EGFLAM: variants seen among roughly 807,000 people sequenced by gnomAD.
The protein encoded by EGFLAM is pikachurin.
A neutral mutation model predicts 113.1 loss-of-function variants in EGFLAM; 79 were observed. That is an observed-to-expected ratio of 0.70 (90% CI 0.58 to 0.84). The LOEUF is 0.84. Among genes scored for constraint, EGFLAM ranks in the 40% least tolerant of loss-of-function variants. EGFLAM has a pLI of 0.00. For missense variants in EGFLAM, 1,265 were observed against 1,291.6 expected (o/e 0.98, Z 0.32); for synonymous variants, 504 against 487.6 (o/e 1.03, Z -0.44).
At chr5:38,361,909 T>TG (rs11457070) in intron 5 of EGFLAM, among the ~76,000 whole-genome samples, 80,191 of 145,214 alleles carry the variant, frequency 0.55, 22,596 homozygotes, top group East Asian at 0.68. Context: ...GGATTTTTGA[T>TG]TTTTTTTTTT....
At chr5:38,386,775 G>T (rs1561061315) in intron 6 of EGFLAM, among the ~76,000 whole-genome samples, 2 of 152,348 alleles carry the variant, frequency 1.3e-5, no homozygotes, top group Non-Finnish European at 2.9e-5. Context: ...AAAGGTCTGG[G>T]ATTACAGGAG....
chr5:38,325,247 C>T (rs1322318269), intron 1 of EGFLAM, among the ~76,000 whole-genome samples: 1 of 152,144 alleles, frequency 6.6e-6, no homozygotes, highest in Non-Finnish European at 1.5e-5. Flanking sequence ...TTGACAAGAT[C>T]CTCATTCAAC....
At chr5:38,384,198 C>A (rs1046417515) in intron 6 of EGFLAM, among the ~76,000 whole-genome samples, 2 of 151,948 alleles carry the variant, frequency 1.3e-5, no homozygotes, top group Admixed American at 6.6e-5. Context: ...AGGTAGAGTG[C>A]CAAATGGAAA....
chr5:38,271,048 G>T (rs146239581), intron 1 of EGFLAM, among the ~76,000 whole-genome samples: 1,874 of 152,092 alleles, frequency 0.012, 18 homozygotes, highest in Non-Finnish European at 0.018. Context: ...GAGGACTTTT[G>T]GTGTTTATAT....
chr5:38,367,431 T>C lies in EGFLAM; in HGVS notation c.546-2865T>C, dbSNP rs531012588. Among the ~76,000 whole-genome samples, 103 of 151,644 alleles carry C rather than the reference T, an allele frequency of 6.8e-4. No homozygotes were observed. The Middle Eastern group carries it at 0.017, about 25-fold the overall frequency. ...TGGCTAATTTTTTTTTTATTAAACA[T>C]AGTGAGACGAGGTCTCACTATGTTG... is the stretch of plus-strand genomic sequence containing the variant. On this transcript the variant is annotated intron_variant, in intron 5 of 21. Coordinates refer to ENST00000322350, the MANE Select transcript of EGFLAM (RefSeq NM_152403.4).
chr5:38,441,842 C>A (rs547362037), intron 17 of EGFLAM, among the ~76,000 whole-genome samples: 43 of 152,236 alleles, frequency 2.8e-4, no homozygotes, highest in Middle Eastern at 3.4e-3. Context: ...CCCTTGCTTC[C>A]CTTCCCTGTG....
chr5:38,363,999 C>G (rs1197213816), intron 5 of EGFLAM, among the ~76,000 whole-genome samples: 1 of 152,198 alleles, frequency 6.6e-6, no homozygotes, highest in Non-Finnish European at 1.5e-5. Flanking sequence ...TCCAGTAAAA[C>G]TTTATTTACT....
intron 1 of EGFLAM, among the ~76,000 whole-genome samples, chr5:38,336,884 A>T (rs1462739302): frequency 6.6e-6 from 1 of 152,172 alleles, no homozygotes; most frequent in Non-Finnish European, 1.5e-5. Flanking sequence ...GAGATATACC[A>T]CAATGCTAAC....
chr5:38,433,208 T>C (rs1188265780), intron 15 of EGFLAM, among the ~76,000 whole-genome samples: 2 of 152,136 alleles, frequency 1.3e-5, no homozygotes, highest in African/African-American at 2.4e-5. Flanking sequence ...AGAGTACACT[T>C]TGAGGGGCTA....
At position 38,406,257 on chromosome 5, in the gene EGFLAM, G is replaced by A. The variant is rs1478666179; in HGVS notation, c.828+16G>A. On this transcript the variant is annotated intron_variant, in intron 7 of 21. Transcript: ENST00000322350. ...CTTTGAGGAGGTAACAATAATCTCT[G>A]CTCTTAAAACCCAGGGTGTTTGTGT... 2 of 1,607,788 alleles carry A rather than the reference G, an allele frequency of 1.2e-6. No individual in the cohort carries two copies. Among genetic ancestry groups the A allele is most frequent in the Non-Finnish European group, 8.5e-7 (1 of 1,174,698 alleles).
chr5:38,431,136 A>C (rs937789998), intron 14 of EGFLAM, 41 bp from the exon 15 acceptor site: 1 of 1,576,790 alleles, frequency 6.3e-7, no homozygotes, highest in Non-Finnish European at 8.7e-7. Context: ...TATCCTAATC[A>C]ACTCGATACA....
intron 11 of EGFLAM, among the ~76,000 whole-genome samples, chr5:38,415,157 T>G (rs1741601283): frequency 7.3e-6 from 1 of 137,858 alleles, no homozygotes; most frequent in Non-Finnish European, 1.6e-5. Flanking sequence ...AAGTCAGGAG[T>G]TCGAGACCAG....
intron 1 of EGFLAM, among the ~76,000 whole-genome samples, chr5:38,315,504 T>A (rs1332098291): frequency 2.0e-5 from 3 of 152,212 alleles, no homozygotes; most frequent in African/African-American, 7.2e-5. Context: ...GCTGCTGTTA[T>A]ACTTTCTCAA....
In EGFLAM at chr5:38,295,119, G is replaced by A. The variant is rs912478932; in HGVS notation, c.97+36268G>A. On this transcript the variant is annotated intron_variant, in intron 1 of 21. Transcript: ENST00000322350. ...TGGGAATACAGGCATGAGTCACTGC[G>A]CCTGGCCGCAACTCATTCTTAAACT... Among the ~76,000 whole-genome samples, 6 of 152,088 alleles carry A rather than the reference G, an allele frequency of 3.9e-5. 1 individual carries two copies. Among genetic ancestry groups the A allele is most frequent in the African/African-American group, 7.2e-5 (3 of 41,420 alleles).
At chr5:38,430,758 G>A (rs1474522840) in intron 14 of EGFLAM, among the ~76,000 whole-genome samples, 2 of 152,152 alleles carry the variant, frequency 1.3e-5, no homozygotes, top group African/African-American at 4.8e-5. Flanking sequence ...ATTTAGTGGT[G>A]TATTTCCAGT....
At chr5:38,331,574 G>A (rs547763750) in intron 1 of EGFLAM, among the ~76,000 whole-genome samples, 103 of 152,244 alleles carry the variant, frequency 6.8e-4, no homozygotes, top group African/African-American at 2.4e-3. Context: ...TTGAGACTAT[G>A]GATGAGGCTG....
chr5:38,354,686 C>T (rs1238724156), intron 5 of EGFLAM, among the ~76,000 whole-genome samples: 1 of 152,134 alleles, frequency 6.6e-6, no homozygotes, highest in African/African-American at 2.4e-5. Flanking sequence ...GCCGAGATTA[C>T]ACCACTGCAC....
chr5:38,326,296 A>G (rs1738878246), intron 1 of EGFLAM, among the ~76,000 whole-genome samples: 1 of 152,162 alleles, frequency 6.6e-6, no homozygotes, highest in East Asian at 1.9e-4. Flanking sequence ...GGACATAGAG[A>G]GCAAAACATT....
Position 38,465,471 on chromosome 5 carries a change from G to C in EGFLAM, c.*1485G>C, listed in dbSNP as rs1743437779. Among the ~76,000 whole-genome samples, 1 of 152,208 alleles carries C rather than the reference G, an allele frequency of 6.6e-6. No individual in the cohort carries two copies. Among genetic ancestry groups the C allele is most frequent in the Admixed American group, 6.5e-5 (1 of 15,286 alleles). The stretch of plus-strand genomic sequence containing the variant: ...GTAATTCTAAAAGATGAATAAACTA[G>C]AGAGGTTCACTTTGTGCCCCAATCT... On this transcript the variant is annotated 3_prime_UTR_variant, in exon 22 of 22. Transcript: ENST00000322350.
Sources: gnomAD v4.1 joint callset for allele counts (sites outside exome capture counted in the v4.1 genomes callset) on GRCh38, gnomAD v4.1.1 for gene constraint, MANE v1.5 for transcripts, NCBI Gene and HGNC (gene_info 2026-07-23, HGNC 2026-07-21) for gene names.